Variants in PDE4A observed in about 807,000 individuals in gnomAD.
PDE4A encodes phosphodiesterase 4A.
In PDE4A, 21 loss-of-function variants were observed where a neutral mutation model predicts 73.9. That is an observed-to-expected ratio of 0.28 (90% CI 0.20 to 0.41). PDE4A has a LOEUF of 0.41. Among genes scored for constraint, PDE4A ranks in the 10% least tolerant of loss-of-function variants. The pLI, the probability that PDE4A is intolerant of heterozygous loss-of-function variation, is 1.00. For missense variants in PDE4A, 958 were observed against 1,211.4 expected, an observed-to-expected ratio of 0.79 and a Z score of 3.10; for synonymous variants, 463 against 505.4, an observed-to-expected ratio of 0.92 and a Z score of 1.13.
In PDE4A at chr19:10,424,924, A is replaced by T. The variant is rs1018213176; in HGVS notation, c.320+3840A>T. Among the ~76,000 whole-genome samples, 5 of 152,242 alleles carry T rather than the reference A, an allele frequency of 3.3e-5. No homozygotes were observed. The highest frequency in any genetic ancestry group is 7.3e-5 in the Non-Finnish European group (5 of 68,038). ...GTCACACAGCGAGGAAGGTGAGAAT[A>T]GGAGTTAAAAACCAGATCTCGGCCA... On this transcript the variant is annotated intron_variant, in intron 1 of 14. Transcript: ENST00000380702. This position sits in a 1 kb window ranked among gnomAD's most constrained non-coding sequence, Gnocchi z 4.8.
rs892140622 is a variant in PDE4A, at chr19:10,458,321, T to G, written c.1101+219T>G. 1.3e-5 allele frequency among the ~76,000 whole-genome samples: 2 copies of G among 152,194 alleles called. No individual in the cohort carries two copies. Among genetic ancestry groups the G allele is most frequent in the African/African-American group, 4.8e-5 (2 of 41,452 alleles). On this transcript the variant is annotated intron_variant, in intron 8 of 14. Transcript: ENST00000380702. This position sits in a 1 kb window ranked among gnomAD's most constrained non-coding sequence, Gnocchi z 4.6. Reference sequence around the variant, plus strand: ...AGGGCTGGACGTATCACCTCTTGCATGTAGCTCCTGTTGGGACTAGTCTTC... The same window carrying G: ...AGGGCTGGACGTATCACCTCTTGCAGGTAGCTCCTGTTGGGACTAGTCTTC...
intron 1 of PDE4A, among the ~76,000 whole-genome samples, chr19:10,429,407 A>T (rs1236318294): frequency 6.6e-6 from 1 of 152,038 alleles, no homozygotes; most frequent in African/African-American, 2.4e-5. Context: ...GCACCTTCAT[A>T]ACTCACTGCA....
At position 10,420,731 on chromosome 19, in the gene PDE4A, A is replaced by C; in HGVS notation, c.-34A>C. On this transcript the variant is annotated 5_prime_UTR_variant, in exon 1 of 15. Transcript: ENST00000380702. The surrounding 1 kb of genome is among the most constrained non-coding windows in gnomAD (Gnocchi z 6.0). ...GAGCGGGGTGTAGGTTGGAAGGGCC[A>C]GGGCCCCCTGGGGCGCAAGTGGGGG... is the stretch of plus-strand genomic sequence containing the variant. 1.3e-6 allele frequency: 2 copies of C among 1,500,760 alleles called. No individual in the cohort carries two copies. Among genetic ancestry groups the C allele is most frequent in the Non-Finnish European group, 1.8e-6 (2 of 1,137,502 alleles). The allele number at this position is 1,500,760 out of a possible 1,614,324, so 93.0% of individuals were successfully genotyped here.
At chr19:10,429,257 G>T (rs761779185) in intron 1 of PDE4A, among the ~76,000 whole-genome samples, 1 of 146,776 alleles carries the variant, frequency 6.8e-6, no homozygotes, top group Non-Finnish European at 1.5e-5. Context: ...GGAAAGGAAA[G>T]GAAAGGAAAG....
chr19:10,438,483 GCACC>G (rs1186196265), intron 1 of PDE4A, among the ~76,000 whole-genome samples: 2 of 152,052 alleles, frequency 1.3e-5, no homozygotes, highest in Non-Finnish European at 2.9e-5. Flanking sequence ...CCAGCCGCTG[GCACC>G]CACTCTTCTA....
chr19:10,457,736 TG>T, intron 7 of PDE4A, 142 bp from the exon 8 acceptor site: 1 of 1,439,324 alleles, frequency 6.9e-7, no homozygotes, highest in Non-Finnish European at 9.1e-7. Context: ...TTCCTGACTC[TG>T]AGTAGCCAGC....
intron 10 of PDE4A, among the ~76,000 whole-genome samples, chr19:10,460,261 G>A (rs1330917905): frequency 6.6e-6 from 1 of 152,018 alleles, no homozygotes; most frequent in Non-Finnish European, 1.5e-5. Context: ...CACTTTGGAA[G>A]GCCAAGATGG....
intron 1 of PDE4A, among the ~76,000 whole-genome samples, chr19:10,436,867 C>T (rs1047774749): frequency 1.3e-5 from 2 of 151,928 alleles, no homozygotes; most frequent in South Asian, 2.1e-4. Flanking sequence ...TGGTGAAACC[C>T]GTCTCTACTA....
At chr19:10,459,544 G>C in intron 9 of PDE4A, 46 bp downstream of exon 9, 3 of 1,611,210 alleles carry the variant, frequency 1.9e-6, no homozygotes, top group Admixed American at 1.7e-5. Context: ...GGCTCATAGC[G>C]GGGCGCTGGA....
chr19:10,431,468 T>A (rs573681688), intron 1 of PDE4A, among the ~76,000 whole-genome samples: 1 of 152,130 alleles, frequency 6.6e-6, no homozygotes, highest in African/African-American at 2.4e-5. Context: ...TGAGGCTTGG[T>A]GTCACTCCTA....
At position 10,465,683 on chromosome 19, in the gene PDE4A, CTTTTTTTTTTTTTTTTTTTT is replaced by C. The variant is rs749126870; in HGVS notation, c.1927-1189_1927-1170del. On this transcript the variant is annotated intron_variant, in intron 14 of 14. Transcript: ENST00000380702. ...TCATAGCAATAGTTTGTGGCTTTAG[CTTTTTTTTTTTTTTTTTTTT>C]TTTTTTTTTTTTTTGAGATGAAGTC... Among the ~76,000 whole-genome samples, 89 of 48,384 alleles carry C rather than the reference CTTTTTTTTTTTTTTTTTTTT, an allele frequency of 1.8e-3. 1 individual carries two copies. Among genetic ancestry groups the C allele is most frequent in the African/African-American group, 6.5e-3 (80 of 12,354 alleles). The allele number at this position is 48,384 out of a possible 152,430, so 31.7% of individuals were successfully genotyped here. A position where few individuals can be genotyped will look rare whatever the true frequency, so the allele number is the denominator to read the frequency against.
upstream of PDE4A, chr19:10,419,056 CTTTTTTT>C (rs977830124): frequency 9.3e-4 from 757 of 816,908 alleles, 2 homozygotes; most frequent in South Asian, 0.014. Flanking sequence ...GACCGGCAGT[CTTTTTTT>C]TTTTTTTTTT....
upstream of PDE4A, chr19:10,418,670 C>A (rs911550037): frequency 2.8e-6 from 2 of 706,354 alleles, no homozygotes; most frequent in South Asian, 6.4e-5. Context: ...ATCAGTTTAT[C>A]CCCCAGCTCA....
Position 10,420,546 on chromosome 19 carries a change from C to G in PDE4A, c.-219C>G. 1.7e-6 allele frequency: 2 copies of G among 1,168,750 alleles called. No homozygotes were observed. The highest frequency in any genetic ancestry group is 7.3e-5 in the East Asian group (2 of 27,420). 72.4% of individuals were successfully genotyped at this position (1,168,750 alleles called of 1,614,324 possible). ...GGAGCGCGGAGCGCGGAGAGCGCCGCCGGGCACTGAGCAGAGCTCCAGGCG... is the reference window on the plus strand; with the variant it reads ...GGAGCGCGGAGCGCGGAGAGCGCCGGCGGGCACTGAGCAGAGCTCCAGGCG... On this transcript the variant is annotated 5_prime_UTR_variant, in exon 1 of 15. Transcript: ENST00000380702. The surrounding 1 kb of genome is among the most constrained non-coding windows in gnomAD (Gnocchi z 6.0).
At chr19:10,419,031 G>A (rs1368651379), upstream of PDE4A, 32 of 982,938 alleles carry the variant, frequency 3.3e-5, no homozygotes, top group East Asian at 3.1e-3. Flanking sequence ...GAGAAAAGTG[G>A]CTGTGGGGGT....
upstream of PDE4A, among the ~76,000 whole-genome samples, chr19:10,418,207 A>T (rs1024513160): frequency 6.6e-6 from 1 of 152,168 alleles, no homozygotes; most frequent in Non-Finnish European, 1.5e-5. Context: ...TGGGAGGATC[A>T]GGTTTCTTCT....
At chr19:10,430,781 TG>T in intron 1 of PDE4A, 2 of 570,834 alleles carry the variant, frequency 3.5e-6, no homozygotes, top group Non-Finnish European at 4.4e-6. Flanking sequence ...GCGGCCTGCG[TG>T]GGCCTGGCGG....
intron 1 of PDE4A, among the ~76,000 whole-genome samples, chr19:10,423,474 T>A (rs569186480): frequency 5.3e-5 from 8 of 152,208 alleles, no homozygotes; most frequent in African/African-American, 1.9e-4. Flanking sequence ...CCTTTTCTCT[T>A]TCTCACCCAA....
rs564603510 is a variant in PDE4A, at chr19:10,422,341, G to A, written c.320+1257G>A. ...CTTCACCAGGTGCTCACGTCTGAGC[G>A]TCGGTGCTCTGACATGTGGTCTGTG... On this transcript the variant is annotated intron_variant, in intron 1 of 14. Coordinates refer to ENST00000380702, the MANE Select transcript of PDE4A (RefSeq NM_001111307.2). Among the ~76,000 whole-genome samples, 4 of 152,284 alleles carry A rather than the reference G, an allele frequency of 2.6e-5. No homozygotes were observed. In the South Asian group the frequency reaches 8.3e-4, roughly 32 times the overall value.
Sources: allele counts gnomAD v4.1 joint callset (sites outside exome capture counted in the v4.1 genomes callset), GRCh38; gene constraint gnomAD v4.1.1; non-coding constraint Gnocchi (gnomAD v3.1); transcripts MANE v1.5; gene names NCBI Gene and HGNC (gene_info 2026-07-23, HGNC 2026-07-21).